ADPRHL1: variants seen among roughly 807,000 people sequenced by gnomAD.
ADPRHL1 encodes the protein inactive ADP-ribosyltransferase ARH2.
ADPRHL1 carries 43 observed loss-of-function variants against 44.1 expected under a neutral mutation model. That is an observed-to-expected ratio of 0.98 (90% CI 0.76 to 1.26). The LOEUF (loss-of-function observed/expected upper bound fraction) is 1.26. Among genes scored for constraint, ADPRHL1 ranks in the 50% most tolerant of loss-of-function variants. The pLI, the probability that ADPRHL1 is intolerant of heterozygous loss-of-function variation, is 0.00. For missense variants in ADPRHL1, 2,022 were observed against 2,496.9 expected (o/e 0.81, Z 4.05); for synonymous variants, 878 against 1,017.4 (o/e 0.86, Z 2.61).
At position 113,441,415 on chromosome 13, in the gene ADPRHL1, T is replaced by C. The variant is rs2044097486; in HGVS notation, c.379+3010A>G. 6.6e-6 allele frequency among the ~76,000 whole-genome samples: 1 copy of C among 152,166 alleles called. No individual in the cohort carries two copies. Among genetic ancestry groups the C allele is most frequent in the Non-Finnish European group, 1.5e-5 (1 of 68,030 alleles). The stretch of plus-strand genomic sequence containing the variant: ...TGGGGCTTACTATTGCTAACTCTTC[T>C]GTGATTTCAGCGGTGGCTTTTGGGT... On this transcript the variant is annotated intron_variant, in intron 2 of 7. Transcript: ENST00000612156. The surrounding 1 kb of genome is among the most constrained non-coding windows in gnomAD (Gnocchi z 6.0).
intron 7 of ADPRHL1, among the ~76,000 whole-genome samples, chr13:113,412,848 C>T (rs1160471778): frequency 2.6e-5 from 2 of 77,942 alleles, no homozygotes; most frequent in East Asian, 5.2e-4. Flanking sequence ...AACAGCGCCC[C>T]GCAGAGCTCG....
At chr13:113,426,362 C>T (rs888469911) in intron 4 of ADPRHL1, among the ~76,000 whole-genome samples, 17 of 152,250 alleles carry the variant, frequency 1.1e-4, no homozygotes, top group African/African-American at 3.6e-4. Flanking sequence ...GGGTGGGAGC[C>T]GTGCAGGCCG....
rs957667466 is a variant in ADPRHL1, at chr13:113,451,608, G to T, written c.214+1616C>A. ...GGATCACTTGAGGTCAGGAGTTCGA[G>T]ACCAGCCTGGACAACGTGGTGAAAC... On this transcript the variant is annotated intron_variant, in intron 1 of 7. Coordinates refer to ENST00000612156, the MANE Select transcript of ADPRHL1 (RefSeq NM_001394807.1). Among the ~76,000 whole-genome samples the T allele has an allele frequency of 4.6e-5, 7 of 152,258 alleles. No individual in the cohort carries two copies. In the South Asian group the frequency reaches 1.5e-3, roughly 32 times the overall value.
intron 1 of ADPRHL1, among the ~76,000 whole-genome samples, chr13:113,450,451 A>G (rs2044170771): frequency 1.3e-5 from 2 of 152,112 alleles, no homozygotes; most frequent in South Asian, 2.1e-4. Flanking sequence ...AAGACAAGAG[A>G]TAAGAGAAAA....
intron 7 of ADPRHL1, among the ~76,000 whole-genome samples, chr13:113,421,473 C>G (rs922060248): frequency 6.6e-6 from 1 of 152,098 alleles, no homozygotes; most frequent in African/African-American, 2.4e-5. Flanking sequence ...CATGCCTACC[C>G]CCAGGACACC....
At position 113,406,351 on chromosome 13, in the gene ADPRHL1, C is replaced by T. The variant is rs2043808401; in HGVS notation, c.2931G>A (p.Glu977=). ...TCACATCTCTGAGCTCAGAGGTCCT[C>T]TCTCCTGAAATATCGTCAGGATTCC... ...GPRNPDDISG[E]RTSELRDVKH... is the part of the protein sequence containing the mutation. Residue 977 remains glutamate (E), a synonymous_variant, in exon 8 of 8, where the codon GAG becomes GAA. Transcript: ENST00000612156. The T allele has an allele frequency of 1.6e-6, 2 of 1,232,116 alleles. No individual in the cohort carries two copies. Among genetic ancestry groups the T allele is most frequent in the East Asian group, 6.3e-5 (2 of 31,710 alleles). The allele number at this position is 1,232,116 out of a possible 1,614,324, so 76.3% of individuals were successfully genotyped here.
intron 2 of ADPRHL1, among the ~76,000 whole-genome samples, chr13:113,442,965 T>C (rs887331780): frequency 3.9e-5 from 6 of 152,234 alleles, no homozygotes; most frequent in African/African-American, 1.4e-4. Flanking sequence ...TCTAATCTGC[T>C]ATTGGTCTCA....
At chr13:113,408,364 T>TC in intron 7 of ADPRHL1, 144 bp from the exon 8 acceptor site, 1 of 853,440 alleles carries the variant, frequency 1.2e-6, no homozygotes, top group Non-Finnish European at 1.6e-6. Context: ...AGCCAGGAGC[T>TC]GTGGCTTCTG....
At chr13:113,429,937 G>A (rs1242515570) in intron 3 of ADPRHL1, among the ~76,000 whole-genome samples, 1 of 152,194 alleles carries the variant, frequency 6.6e-6, no homozygotes, top group Admixed American at 6.5e-5. Context: ...AAATGCATGC[G>A]AGTATATATG....
chr13:113,409,731 A>C lies in ADPRHL1; in HGVS notation c.1062-1511T>G, dbSNP rs778311092. 5.8e-5 allele frequency: 36 copies of C among 624,620 alleles called. No homozygotes were observed. Among genetic ancestry groups the C allele is most frequent in the Non-Finnish European group, 6.4e-5 (32 of 500,930 alleles). 38.7% of individuals were successfully genotyped at this position (624,620 alleles called of 1,614,324 possible). ...GAAACCCCGTCTCTACTAAAGATATAAAAAAAAATCAGCCGGGCGTGGTGG... is the reference window on the plus strand; with the variant it reads ...GAAACCCCGTCTCTACTAAAGATATCAAAAAAAATCAGCCGGGCGTGGTGG... On this transcript the variant is annotated intron_variant, in intron 7 of 7. Transcript: ENST00000612156. The surrounding 1 kb of genome is among the most constrained non-coding windows in gnomAD (Gnocchi z 4.2).
intron 1 of ADPRHL1, among the ~76,000 whole-genome samples, chr13:113,450,417 G>A (rs1415500787): frequency 2.0e-5 from 3 of 152,162 alleles, no homozygotes; most frequent in Non-Finnish European, 4.4e-5. Context: ...GTGCAGTGAC[G>A]AGAGAGTGTA....
chr13:113,406,187 C>G lies in ADPRHL1; in HGVS notation c.3095G>C (p.Gly1032Ala). ...SSSQQVPSPTGRNPTGAPTSL... is the reference protein window; with the variant it reads ...SSSQQVPSPTARNPTGAPTSL... Reference sequence around the variant, plus strand: ...CGTGGGGGCTCCTGTTGGGTTTCTCCCAGTCGGGGACGGCACTTGCTGGCT... The same window carrying G: ...CGTGGGGGCTCCTGTTGGGTTTCTCGCAGTCGGGGACGGCACTTGCTGGCT... Residue 1032 changes from glycine to alanine, a missense_variant, in exon 8 of 8, where the codon GGG becomes GCG. Transcript: ENST00000612156. 4 of 1,232,178 alleles carry G rather than the reference C, an allele frequency of 3.2e-6. No homozygotes were observed. Among genetic ancestry groups the G allele is most frequent in the Non-Finnish European group, 4.0e-6 (4 of 988,014 alleles). The allele number at this position is 1,232,178 out of a possible 1,614,324, so 76.3% of individuals were successfully genotyped here.
intron 1 of ADPRHL1, among the ~76,000 whole-genome samples, chr13:113,444,896 T>A (rs112474632): frequency 1.3e-5 from 2 of 152,198 alleles, no homozygotes; most frequent in Non-Finnish European, 2.9e-5. Context: ...GTGCTGGGAT[T>A]ACAGGCGTGA....
chr13:113,420,323 G>A (rs1265529181), intron 7 of ADPRHL1, among the ~76,000 whole-genome samples: 1 of 152,112 alleles, frequency 6.6e-6, no homozygotes. Context: ...TAATCAGTTT[G>A]TAAATAGACT....
At position 113,403,729 on chromosome 13, in the gene ADPRHL1, GC is replaced by G; in HGVS notation, c.5552del (p.Gly1851AlafsTer105). On this transcript the variant is annotated frameshift_variant, in exon 8 of 8. Coordinates refer to ENST00000612156, the MANE Select transcript of ADPRHL1 (RefSeq NM_001394807.1). LOFTEE classifies it low-confidence loss of function (END_TRUNC). ...PAPRDGGQSG[G>X]SGLGEPSAGY... ...CGGCGCTGGGCTCCCCCAGGCCACTGCCCCCTGACTGTCCACCATCCCTGGG... is the reference window on the plus strand; with the variant it reads ...CGGCGCTGGGCTCCCCCAGGCCACTGCCCCTGACTGTCCACCATCCCTGGG... The G allele has an allele frequency of 7.3e-6, 9 of 1,232,378 alleles. No individual in the cohort carries two copies. The highest frequency in any genetic ancestry group is 9.1e-6 in the Non-Finnish European group (9 of 988,510). The allele number at this position is 1,232,378 out of a possible 1,614,324, so 76.3% of individuals were successfully genotyped here. A position where few individuals can be genotyped will look rare whatever the true frequency, so the allele number is the denominator to read the frequency against.
intron 2 of ADPRHL1, among the ~76,000 whole-genome samples, chr13:113,436,872 G>A (rs1475199198): frequency 5.7e-5 from 7 of 122,248 alleles, no homozygotes; most frequent in East Asian, 2.6e-4. Flanking sequence ...CGGCACCCAG[G>A]TGTAGAGTGA....
At chr13:113,422,635 C>A (rs773817505) in intron 7 of ADPRHL1, 191 bp downstream of exon 7, 18 of 746,816 alleles carry the variant, frequency 2.4e-5, no homozygotes, top group East Asian at 1.7e-4. Flanking sequence ...AATATTCTCG[C>A]AGGACAAACA....
At chr13:113,419,657 A>C (rs976208850) in intron 7 of ADPRHL1, among the ~76,000 whole-genome samples, 1 of 152,160 alleles carries the variant, frequency 6.6e-6, no homozygotes, top group African/African-American at 2.4e-5. Flanking sequence ...ACGCGATGGA[A>C]ACCACTGAGA....
At chr13:113,422,693 T>C in intron 7 of ADPRHL1, 133 bp downstream of exon 7, 1 of 1,089,036 alleles carries the variant, frequency 9.2e-7, no homozygotes, top group Non-Finnish European at 1.3e-6. Flanking sequence ...AACAGAGAGT[T>C]AGATGTGGCC....
Sources: gnomAD v4.1 joint callset for allele counts (sites outside exome capture counted in the v4.1 genomes callset) on GRCh38, gnomAD v4.1.1 for gene constraint, Gnocchi (gnomAD v3.1) non-coding constraint, MANE v1.5 for transcripts, NCBI Gene and HGNC (gene_info 2026-07-23, HGNC 2026-07-21) for gene names.